Variants in CTNNB1 observed in about 807,000 individuals in gnomAD.
The protein encoded by CTNNB1 is catenin beta-1.
Under a neutral mutation model 82.5 loss-of-function variants are expected in CTNNB1, and 6 were observed. The ratio of observed to expected loss-of-function variants is 0.07; its 90% CI spans 0.04 to 0.14. The LOEUF (loss-of-function observed/expected upper bound fraction) is 0.14. CTNNB1 is among the 10% of genes least tolerant of loss of function. CTNNB1 has a pLI of 1.00. For synonymous variants in CTNNB1, 312 were observed against 329.7 expected (o/e 0.95, Z 0.58); for missense variants, 529 against 980.4 (o/e 0.54, Z 6.15).
chr3:41,213,579 G>T (rs1283172283), intron 1 of CTNNB1, among the ~76,000 whole-genome samples: 1 of 152,184 alleles, frequency 6.6e-6, no homozygotes, highest in Non-Finnish European at 1.5e-5. Flanking sequence ...TTGAATGAAA[G>T]TCTGTACATT....
At chr3:41,207,130 CAG>C (rs918645954) in intron 1 of CTNNB1, among the ~76,000 whole-genome samples, 2 of 151,824 alleles carry the variant, frequency 1.3e-5, no homozygotes, top group African/African-American at 4.8e-5. Flanking sequence ...GGTCCTGATT[CAG>C]AGTGTCAGCA....
In CTNNB1 at chr3:41,236,383, TAG is replaced by T; in HGVS notation, c.1839_1840del (p.Ala614CysfsTer6). The T allele has an allele frequency of 6.2e-7, 1 of 1,614,162 alleles. No homozygotes were observed. The highest frequency in any genetic ancestry group is 8.5e-7 in the Non-Finnish European group (1 of 1,180,020). On this transcript the variant is annotated frameshift_variant, in exon 12 of 15. Transcript: ENST00000349496. LOFTEE classifies it high-confidence loss of function. ...TCTCCCATTGAAAACATCCAAAGAG[TAG>T]CTGCAGGGGTCCTCTGTGAACTTGC...
intron 6 of CTNNB1, among the ~76,000 whole-genome samples, chr3:41,226,127 T>C (rs1451269582): frequency 2.6e-5 from 4 of 152,214 alleles, no homozygotes; most frequent in African/African-American, 9.6e-5. Context: ...GAGACTCTCA[T>C]GGTGCAGTTG....
intron 1 of CTNNB1, among the ~76,000 whole-genome samples, chr3:41,220,378 A>ACACACCCACACC (rs771827410): frequency 6.9e-6 from 1 of 145,760 alleles, no homozygotes; most frequent in South Asian, 2.1e-4. Flanking sequence ...TTGAGAACAC[A>ACACACCCACACC]CACACCCACA....
chr3:41,211,663 G>A (rs560570423), intron 1 of CTNNB1, among the ~76,000 whole-genome samples: 1 of 152,292 alleles, frequency 6.6e-6, no homozygotes, highest in East Asian at 1.9e-4. Context: ...ACAATAAATA[G>A]TCTCCAGCTG....
chr3:41,233,494 G>T (rs2125638390), intron 8 of CTNNB1, 35 bp from the exon 9 acceptor site: 1 of 1,612,976 alleles, frequency 6.2e-7, no homozygotes, highest in East Asian at 2.2e-5. Context: ...AGATGAGTAT[G>T]TGCTTGTACT....
At chr3:41,216,422 A>C (rs544168187) in intron 1 of CTNNB1, among the ~76,000 whole-genome samples, 1 of 152,356 alleles carries the variant, frequency 6.6e-6, no homozygotes, top group East Asian at 1.9e-4. Flanking sequence ...AGGAGCTAGG[A>C]ATGAAGAAAT....
chr3:41,201,699 TA>T (rs201378329), intron 1 of CTNNB1, among the ~76,000 whole-genome samples: 2 of 150,582 alleles, frequency 1.3e-5, no homozygotes, highest in South Asian at 2.1e-4. Flanking sequence ...AAAACCAACT[TA>T]AAAAAAAATA....
chr3:41,213,084 A>G (rs1450020416), intron 1 of CTNNB1, among the ~76,000 whole-genome samples: 1 of 152,238 alleles, frequency 6.6e-6, no homozygotes, highest in East Asian at 1.9e-4. Context: ...AGTGTCACGT[A>G]GAACAGAAAA....
Position 41,236,519 on chromosome 3 carries a change from AG to A in CTNNB1, c.1954+21del. On this transcript the variant is annotated intron_variant, in intron 12 of 14. Coordinates refer to ENST00000349496, the MANE Select transcript of CTNNB1 (RefSeq NM_001904.4). ...GTGTGGGTAAGTAAAAAGGAACCAA[AG>A]CCTTTAGCAGATGTGTACATTGAAG... The A allele has an allele frequency of 6.2e-7, 1 of 1,614,204 alleles. No individual in the cohort carries two copies. Among genetic ancestry groups the A allele is most frequent in the Non-Finnish European group, 8.5e-7 (1 of 1,180,038 alleles).
intron 1 of CTNNB1, among the ~76,000 whole-genome samples, chr3:41,216,256 A>G (rs1412270181): frequency 6.6e-6 from 1 of 152,230 alleles, no homozygotes; most frequent in East Asian, 1.9e-4. Context: ...CTACCTTGTT[A>G]AAGTATGTCA....
intron 1 of CTNNB1, among the ~76,000 whole-genome samples, chr3:41,214,292 T>C (rs759049217): frequency 1.2e-4 from 18 of 152,212 alleles, no homozygotes; most frequent in African/African-American, 3.1e-4. Context: ...TCTGTATTTT[T>C]AGATGTTCCA....
At position 41,229,761 on chromosome 3, in the gene CTNNB1, T is replaced by G. The variant is rs370109402; in HGVS notation, c.1081+2409T>G. ...GATGTCGTCTAAGTATGAGAAACAA[T>G]TTTTTTCTATTCTGAGTATTTTTAA... On this transcript the variant is annotated intron_variant, in intron 7 of 14. Coordinates refer to ENST00000349496, the MANE Select transcript of CTNNB1 (RefSeq NM_001904.4). Among the ~76,000 whole-genome samples the G allele has an allele frequency of 4.9e-4, 74 of 152,230 alleles. No homozygotes were observed. In the South Asian group the frequency reaches 0.015, roughly 31 times the overall value.
At chr3:41,205,895 C>G (rs1398456915) in intron 1 of CTNNB1, among the ~76,000 whole-genome samples, 1 of 152,138 alleles carries the variant, frequency 6.6e-6, no homozygotes, top group African/African-American at 2.4e-5. Context: ...AAGTCTATCC[C>G]ACAATCTCCA....
chr3:41,211,760 A>AC (rs2077792277), intron 1 of CTNNB1, among the ~76,000 whole-genome samples: 1 of 152,062 alleles, frequency 6.6e-6, no homozygotes, highest in African/African-American at 2.4e-5. Flanking sequence ...CATTTTCTTG[A>AC]TCCAGTCTAC....
At chr3:41,211,677 C>A (rs998842375) in intron 1 of CTNNB1, among the ~76,000 whole-genome samples, 1 of 152,202 alleles carries the variant, frequency 6.6e-6, no homozygotes, top group African/African-American at 2.4e-5. Context: ...CCAGCTGCAT[C>A]CACATTGCTA....
At chr3:41,224,196 T>C (rs1226356570) in intron 2 of CTNNB1, 115 bp downstream of exon 2, 2 of 1,269,004 alleles carry the variant, frequency 1.6e-6, no homozygotes, top group African/African-American at 1.5e-5. Context: ...TCAGGCTACC[T>C]TTTGCTCCAT....
At chr3:41,209,858 C>T (rs1241816162) in intron 1 of CTNNB1, among the ~76,000 whole-genome samples, 3 of 152,188 alleles carry the variant, frequency 2.0e-5, no homozygotes, top group South Asian at 2.1e-4. Context: ...CAGCGAGTGA[C>T]GATTGAGGGA....
chr3:41,237,829 AAG>A, intron 13 of CTNNB1, 185 bp from the exon 14 acceptor site: 2 of 602,158 alleles, frequency 3.3e-6, no homozygotes, highest in East Asian at 2.8e-5. Context: ...GTGAGGTGCA[AAG>A]AGAAAAAAAA....
Sources: allele counts gnomAD v4.1 joint callset (sites outside exome capture counted in the v4.1 genomes callset), GRCh38; gene constraint gnomAD v4.1.1; transcripts MANE v1.5; gene names NCBI Gene and HGNC (gene_info 2026-07-23, HGNC 2026-07-21).